KIFAP3: variants seen among roughly 807,000 people sequenced by gnomAD.
KIFAP3 encodes kinesin-associated protein 3.
KIFAP3 carries 68 observed loss-of-function variants against 106.5 expected under a neutral mutation model. That is an observed-to-expected ratio of 0.64 (90% CI 0.53 to 0.78). The LOEUF is 0.78. Among genes scored for constraint, KIFAP3 ranks in the 30% least tolerant of loss-of-function variants. The pLI, the probability that KIFAP3 is intolerant of heterozygous loss-of-function variation, is 0.00. For synonymous variants in KIFAP3, 320 were observed against 311.5 expected, an observed-to-expected ratio of 1.03 and a Z score of -0.29; for missense variants, 780 against 941.8, an observed-to-expected ratio of 0.83 and a Z score of 2.25.
At chr1:170,044,633 C>T (rs1028494910) in intron 3 of KIFAP3, among the ~76,000 whole-genome samples, 4 of 152,132 alleles carry the variant, frequency 2.6e-5, no homozygotes, top group Non-Finnish European at 5.9e-5. Context: ...CAGAAGAGTT[C>T]CACAATAAAA....
chr1:170,071,973 C>T (rs995408135), intron 1 of KIFAP3, among the ~76,000 whole-genome samples: 2 of 152,138 alleles, frequency 1.3e-5, no homozygotes, highest in African/African-American at 4.8e-5. Flanking sequence ...CAATAAATAT[C>T]AGTATATTTT....
chr1:170,014,612 T>C lies in KIFAP3; in HGVS notation c.1183+1850A>G, dbSNP rs570080662. Among the ~76,000 whole-genome samples, 5 of 152,304 alleles carry C rather than the reference T, an allele frequency of 3.3e-5. No individual in the cohort carries two copies. In the South Asian group the frequency reaches 8.3e-4, roughly 25 times the overall value. On this transcript the variant is annotated intron_variant, in intron 10 of 19. Transcript: ENST00000361580. Reference sequence around the variant, plus strand: ...TAGGTTGAAAAACATTTCTCTATAGTGCTTAGCGCTGTGCTTTGCTATGGT... The same window carrying C: ...TAGGTTGAAAAACATTTCTCTATAGCGCTTAGCGCTGTGCTTTGCTATGGT...
chr1:169,939,506 G>A (rs1663993037), intron 19 of KIFAP3, among the ~76,000 whole-genome samples: 1 of 152,160 alleles, frequency 6.6e-6, no homozygotes, highest in South Asian at 2.1e-4. Flanking sequence ...TAAGGATGGT[G>A]CTGAGAGGAC....
intron 1 of KIFAP3, among the ~76,000 whole-genome samples, chr1:170,080,488 G>C (rs1350563867): frequency 6.6e-6 from 1 of 152,036 alleles, no homozygotes; most frequent in African/African-American, 2.4e-5. Context: ...AAGGCTTCAT[G>C]ATTAAAAGAC....
intron 3 of KIFAP3, among the ~76,000 whole-genome samples, chr1:170,043,440 C>T (rs182829205): frequency 8.3e-4 from 127 of 152,312 alleles, no homozygotes; most frequent in African/African-American, 2.9e-3. Context: ...CCACCTATAA[C>T]TGCCAAGTGG....
intron 3 of KIFAP3, among the ~76,000 whole-genome samples, chr1:170,042,817 C>T (rs974810646): frequency 2.6e-5 from 4 of 152,182 alleles, no homozygotes; most frequent in Admixed American, 6.5e-5. Flanking sequence ...CATAATTTTC[C>T]GCTTTTGTGG....
intron 18 of KIFAP3, among the ~76,000 whole-genome samples, chr1:169,956,586 G>T (rs1027146976): frequency 1.4e-5 from 2 of 145,158 alleles, no homozygotes; most frequent in Non-Finnish European, 3.0e-5. Flanking sequence ...AATAAAAAAA[G>T]AGTAAATTTA....
At chr1:170,072,371 T>C (rs895588454) in intron 1 of KIFAP3, among the ~76,000 whole-genome samples, 3 of 152,132 alleles carry the variant, frequency 2.0e-5, no homozygotes, top group African/African-American at 7.2e-5. Flanking sequence ...AGTAGTAAGT[T>C]TAGGGAAAAA....
At chr1:170,008,626 G>A (rs1185999919) in intron 10 of KIFAP3, among the ~76,000 whole-genome samples, 1 of 152,194 alleles carries the variant, frequency 6.6e-6, no homozygotes, top group Non-Finnish European at 1.5e-5. Flanking sequence ...AACAACAGAT[G>A]CTGGAGAGGA....
At chr1:170,061,369 T>G (rs1245505283) in intron 1 of KIFAP3, among the ~76,000 whole-genome samples, 1 of 152,124 alleles carries the variant, frequency 6.6e-6, no homozygotes, top group Admixed American at 6.5e-5. Context: ...AACAGGCACT[T>G]CTCAAAAGAA....
At chr1:170,064,316 A>C (rs979278305) in intron 1 of KIFAP3, among the ~76,000 whole-genome samples, 6 of 152,122 alleles carry the variant, frequency 3.9e-5, no homozygotes, top group Non-Finnish European at 7.4e-5. Context: ...ATCATCCTTA[A>C]TGTTAAGGGA....
intron 10 of KIFAP3, among the ~76,000 whole-genome samples, chr1:170,014,581 T>C (rs1668412470): frequency 1.3e-5 from 2 of 152,218 alleles, no homozygotes; most frequent in Non-Finnish European, 2.9e-5. Flanking sequence ...AATCCCTATA[T>C]ATCTGTAGGT....
At chr1:170,046,086 C>G (rs1670231913) in intron 3 of KIFAP3, among the ~76,000 whole-genome samples, 1 of 151,840 alleles carries the variant, frequency 6.6e-6, no homozygotes, top group South Asian at 2.1e-4. Flanking sequence ...TCAACAATCT[C>G]CACACTTCAG....
In KIFAP3 at chr1:169,983,353, C is replaced by A; in HGVS notation, c.1423G>T (p.Ala475Ser). 1.2e-6 allele frequency: 2 copies of A among 1,609,282 alleles called. No homozygotes were observed. The highest frequency in any genetic ancestry group is 1.7e-6 in the Non-Finnish European group (2 of 1,177,408). ...GNGLKMLMKRALKFKDPLLMK... is the reference protein window; with the variant it reads ...GNGLKMLMKRSLKFKDPLLMK... The stretch of plus-strand genomic sequence containing the variant: ...AGCAATGGATCCTTAAACTTCAGAG[C>A]CCTCTTCATGAGCATCTTCAGCCCA... Residue 475 changes from alanine to serine, a missense_variant, in exon 13 of 20, where the codon GCT becomes TCT. Transcript: ENST00000361580.
At chr1:170,082,241 C>T (rs1299127809) in intron 1 of KIFAP3, among the ~76,000 whole-genome samples, 1 of 152,134 alleles carries the variant, frequency 6.6e-6, no homozygotes, top group African/African-American at 2.4e-5. Context: ...ACAATGGATA[C>T]TACTTAGCAT....
chr1:170,013,478 CATAT>C (rs60542659), intron 10 of KIFAP3, among the ~76,000 whole-genome samples: 5 of 140,546 alleles, frequency 3.6e-5, no homozygotes, highest in Admixed American at 7.5e-5. Flanking sequence ...AACTGACATA[CATAT>C]ATATATATAT....
chr1:169,978,038 C>T, intron 16 of KIFAP3, 47 bp downstream of exon 16: 1 of 1,161,724 alleles, frequency 8.6e-7, no homozygotes. Flanking sequence ...TGCATCTTTT[C>T]TGAATATGTG....
chr1:169,931,163 G>A (rs1190630974), intron 19 of KIFAP3, among the ~76,000 whole-genome samples: 1 of 151,748 alleles, frequency 6.6e-6, no homozygotes, highest in Non-Finnish European at 1.5e-5. Context: ...CAGGTGATCC[G>A]CCTGCCTCAG....
intron 16 of KIFAP3, among the ~76,000 whole-genome samples, chr1:169,973,898 T>A (rs1268554378): frequency 6.6e-6 from 1 of 151,850 alleles, no homozygotes; most frequent in Non-Finnish European, 1.5e-5. Context: ...ATAAGGAAAT[T>A]GGTCAACATA....
Sources: allele counts gnomAD v4.1 joint callset (sites outside exome capture counted in the v4.1 genomes callset), GRCh38; gene constraint gnomAD v4.1.1; transcripts MANE v1.5; gene names NCBI Gene and HGNC (gene_info 2026-07-23, HGNC 2026-07-21).